Variants in FMN1 observed in about 807,000 individuals in gnomAD.
FMN1 encodes formin 1.
In FMN1, 110 loss-of-function variants were observed where a neutral mutation model predicts 132.4. That is an observed-to-expected ratio of 0.83 (90% CI 0.71 to 0.97). FMN1 has a LOEUF of 0.97. Among genes scored for constraint, FMN1 ranks in the 50% least tolerant of loss-of-function variants. The pLI is 0.00. For missense variants in FMN1, 1,792 were observed against 1,705.3 expected (o/e 1.05, Z -0.90); for synonymous variants, 722 against 651.7 (o/e 1.11, Z -1.64).
intron 9 of FMN1, among the ~76,000 whole-genome samples, chr15:32,947,366 ATTAT>A (rs529295892): frequency 4.1e-4 from 62 of 152,032 alleles, no homozygotes; most frequent in African/African-American, 8.9e-4. Context: ...CTTTTCACTC[ATTAT>A]TTATTTATTT....
Position 32,766,323 on chromosome 15 carries a change from G to C in FMN1, c.*7987C>G, listed in dbSNP as rs928131157. On this transcript the variant is annotated 3_prime_UTR_variant, in exon 21 of 21. Coordinates refer to ENST00000616417, the MANE Select transcript of FMN1 (RefSeq NM_001277313.2). ...TCATGAATAGTAGTAAGAATGGAGCGGCAATAAAAATCCTTATGATTCAAA... is the reference window on the plus strand; with the variant it reads ...TCATGAATAGTAGTAAGAATGGAGCCGCAATAAAAATCCTTATGATTCAAA... 6.6e-6 allele frequency: 1 copy of C among 152,090 alleles called. No individual in the cohort carries two copies. The highest frequency in any genetic ancestry group is 2.4e-5 in the African/African-American group (1 of 41,412). The allele number at this position is 152,090 out of a possible 1,614,324, so 9.4% of individuals were successfully genotyped here. A position where few individuals can be genotyped will look rare whatever the true frequency, so the allele number is the denominator to read the frequency against.
chr15:32,798,699 G>GAA, intron 19 of FMN1, 105 bp downstream of exon 19: 1 of 1,082,070 alleles, frequency 9.2e-7, no homozygotes, highest in African/African-American at 1.6e-5. Flanking sequence ...CACTTCATCC[G>GAA]AAAGAAAACA....
chr15:33,169,185 T>C (rs186537842), intron 3 of FMN1, among the ~76,000 whole-genome samples: 39 of 152,302 alleles, frequency 2.6e-4, no homozygotes, highest in African/African-American at 8.4e-4. Flanking sequence ...ACATTACTTA[T>C]TAGAATGACT....
At chr15:33,110,978 A>G (rs2039679638) in intron 4 of FMN1, among the ~76,000 whole-genome samples, 1 of 152,148 alleles carries the variant, frequency 6.6e-6, no homozygotes, top group Admixed American at 6.6e-5. Flanking sequence ...TTCCGAGTAA[A>G]TGAGTTAACA....
intron 9 of FMN1, among the ~76,000 whole-genome samples, chr15:32,962,324 T>C (rs7179052): frequency 0.26 from 39,015 of 151,708 alleles, 6,745 homozygotes; most frequent in African/African-American, 0.5. Context: ...TTCCTTACAC[T>C]TTATACAAAG....
chr15:32,956,229 G>A (rs374298126), intron 9 of FMN1, among the ~76,000 whole-genome samples: 13 of 152,192 alleles, frequency 8.5e-5, no homozygotes, highest in East Asian at 5.8e-4. Context: ...CAGCTGGCTG[G>A]AGACACAAAT....
At chr15:32,904,102 C>T (rs951190482) in intron 12 of FMN1, among the ~76,000 whole-genome samples, 1 of 151,908 alleles carries the variant, frequency 6.6e-6, no homozygotes, top group Non-Finnish European at 1.5e-5. Context: ...TCTACAGTCC[C>T]ATCTTGATAA....
At chr15:32,997,145 C>T (rs956818410) in intron 7 of FMN1, among the ~76,000 whole-genome samples, 1 of 152,138 alleles carries the variant, frequency 6.6e-6, no homozygotes, top group African/African-American at 2.4e-5. Flanking sequence ...AGAGGCACTT[C>T]CTCAAACTGG....
At chr15:32,853,339 C>T (rs569128553) in intron 17 of FMN1, among the ~76,000 whole-genome samples, 6 of 152,196 alleles carry the variant, frequency 3.9e-5, no homozygotes, top group South Asian at 4.1e-4. Context: ...AGAATTTTCA[C>T]GTTTTAGAGC....
intron 4 of FMN1, among the ~76,000 whole-genome samples, chr15:33,095,845 TTAATAGCTAAGGA>T (rs2039064408): frequency 6.6e-6 from 1 of 152,142 alleles, no homozygotes; most frequent in Admixed American, 6.5e-5. Context: ...ACTGGTTGTC[TTAATAGCTAAGGA>T]AGTAAAGTAG....
chr15:33,042,833 C>G lies in FMN1; in HGVS notation c.2161+22124G>C, dbSNP rs895328527. Among the ~76,000 whole-genome samples, 3 of 151,682 alleles carry G rather than the reference C, an allele frequency of 2.0e-5. No homozygotes were observed. In the South Asian group the frequency reaches 6.2e-4, roughly 32 times the overall value. The stretch of plus-strand genomic sequence containing the variant: ...AGGCACAAAAGGGAATTAATTTGCC[C>G]AGAGTCACACAGCCAGTAGCTGCTG... On this transcript the variant is annotated intron_variant, in intron 6 of 20. Transcript: ENST00000616417.
At chr15:32,918,094 G>C (rs539455000) in intron 10 of FMN1, among the ~76,000 whole-genome samples, 87 of 151,502 alleles carry the variant, frequency 5.7e-4, no homozygotes, top group South Asian at 8.3e-4. Flanking sequence ...AGGCACAGCA[G>C]ACAGAATTTC....
At chr15:32,887,254 A>AG (rs531309687) in intron 16 of FMN1, among the ~76,000 whole-genome samples, 40 of 152,294 alleles carry the variant, frequency 2.6e-4, no homozygotes, top group South Asian at 1.9e-3. Flanking sequence ...TCCTGGTTGA[A>AG]GCCCTTCATT....
intron 4 of FMN1, among the ~76,000 whole-genome samples, chr15:33,132,533 C>T (rs1963592662): frequency 6.6e-6 from 1 of 152,150 alleles, no homozygotes; most frequent in Admixed American, 6.5e-5. Context: ...CTCTGTAAGT[C>T]ACAGAAAAGT....
intron 17 of FMN1, among the ~76,000 whole-genome samples, chr15:32,812,874 G>A (rs1410362162): frequency 1.3e-5 from 2 of 152,052 alleles, no homozygotes; most frequent in Non-Finnish European, 2.9e-5. Flanking sequence ...ATATTCTCTG[G>A]TGACTGTAAT....
chr15:33,165,779 T>C (rs571539574), intron 3 of FMN1, among the ~76,000 whole-genome samples: 1 of 152,232 alleles, frequency 6.6e-6, no homozygotes, highest in Non-Finnish European at 1.5e-5. Flanking sequence ...GCTTTGATGG[T>C]ACTCTCATTT....
At position 32,768,974 on chromosome 15, in the gene FMN1, A is replaced by G. The variant is rs746019916; in HGVS notation, c.*5336T>C. The G allele has an allele frequency of 6.6e-6, 1 of 150,690 alleles. No individual in the cohort carries two copies. The highest frequency in any genetic ancestry group is 1.5e-5 in the Non-Finnish European group (1 of 67,648). The allele number at this position is 150,690 out of a possible 1,614,324, so 9.3% of individuals were successfully genotyped here. A position where few individuals can be genotyped will look rare whatever the true frequency, so the allele number is the denominator to read the frequency against. On this transcript the variant is annotated 3_prime_UTR_variant, in exon 21 of 21. Transcript: ENST00000616417. ...GGACACGATCCTATCAGAGAAAGGT[A>G]AGAGAGAAAAGGTCTTCTATGGCCC...
At chr15:33,001,550 T>A (rs1289497838) in intron 7 of FMN1, among the ~76,000 whole-genome samples, 6 of 135,102 alleles carry the variant, frequency 4.4e-5, no homozygotes, top group African/African-American at 1.1e-4. Flanking sequence ...CCCCTCATCC[T>A]CCTCCTCCTC....
intron 17 of FMN1, among the ~76,000 whole-genome samples, chr15:32,816,629 T>A (rs1268143278): frequency 1.3e-5 from 2 of 152,220 alleles, no homozygotes; most frequent in Non-Finnish European, 2.9e-5. Flanking sequence ...AGAAAGAAGC[T>A]GTCCCCTGAC....
Sources: allele counts gnomAD v4.1 joint callset (sites outside exome capture counted in the v4.1 genomes callset), GRCh38; gene constraint gnomAD v4.1.1; transcripts MANE v1.5; gene names NCBI Gene and HGNC (gene_info 2026-07-23, HGNC 2026-07-21).